Variants in LRRC37A2 observed in about 807,000 individuals in gnomAD.
LRRC37A2 encodes leucine rich repeat containing 37 member A2, also known as leucine-rich repeat-containing protein 37A2.
In LRRC37A2, 9 loss-of-function variants were observed where a neutral mutation model predicts 68.8. The observed-to-expected ratio is 0.13, with a 90% CI of 0.08 to 0.23. LRRC37A2 has a LOEUF of 0.23. Among genes scored for constraint, LRRC37A2 ranks in the 10% least tolerant of loss-of-function variants. The probability of loss-of-function intolerance (pLI) is 1.00; values close to 1 mark genes in which losing one functional copy is unlikely to be tolerated. For missense variants in LRRC37A2, 168 were observed against 950.4 expected (o/e 0.18, Z 10.82); for synonymous variants, 63 against 367.6 (o/e 0.17, Z 9.48).
the LRRC37A2 span, among the ~76,000 whole-genome samples, chr17:46,778,329 T>A: frequency 6.6e-6 from 1 of 152,158 alleles, no homozygotes; most frequent in Non-Finnish European, 1.5e-5. Context: ...TCAAGGTCAC[T>A]CAAAGAGTGC....
At chr17:46,818,447 A>C in the LRRC37A2 span, 1 of 1,498,042 alleles carries the variant, frequency 6.7e-7, no homozygotes, top group Non-Finnish European at 9.1e-7. Flanking sequence ...GCCCACCCCC[A>C]GCCGGCGCCC....
chr17:46,764,528 TCTGACG>T, the LRRC37A2 span: 1 of 152,282 alleles, frequency 6.6e-6, no homozygotes, highest in African/African-American at 2.4e-5. Flanking sequence ...TTCCTTGCTG[TCTGACG>T]CTGAGGGCTG....
the LRRC37A2 span, among the ~76,000 whole-genome samples, chr17:46,771,885 C>G: frequency 6.9e-6 from 1 of 144,888 alleles, no homozygotes; most frequent in Non-Finnish European, 1.5e-5. Context: ...GGCGCCCGCC[C>G]CCGCCCCTGC....
chr17:46,846,760 C>T, the LRRC37A2 span, among the ~76,000 whole-genome samples: 1 of 152,176 alleles, frequency 6.6e-6, no homozygotes, highest in South Asian at 2.1e-4. Flanking sequence ...CCTCACAACA[C>T]AATTCAAAGA....
At chr17:46,908,893 T>C in the LRRC37A2 span, among the ~76,000 whole-genome samples, 1 of 152,146 alleles carries the variant, frequency 6.6e-6, no homozygotes, top group African/African-American at 2.4e-5. Flanking sequence ...AGCTATTCAG[T>C]CTGGAAAACT....
the LRRC37A2 span, among the ~76,000 whole-genome samples, chr17:46,497,713 T>C: frequency 6.9e-6 from 1 of 145,316 alleles, no homozygotes; most frequent in South Asian, 2.1e-4. Context: ...TGTAGATGTA[T>C]ATCTACATAC....
chr17:46,972,447 G>T, the LRRC37A2 span, among the ~76,000 whole-genome samples: 14 of 152,248 alleles, frequency 9.2e-5, no homozygotes, highest in African/African-American at 3.1e-4. Context: ...GCAAAGGGTT[G>T]CACACTGGGC....
At chr17:46,758,379 T>C in the LRRC37A2 span, among the ~76,000 whole-genome samples, 1 of 152,300 alleles carries the variant, frequency 6.6e-6, no homozygotes, top group Non-Finnish European at 1.5e-5. Context: ...AGAAGGTGGG[T>C]TCTTGAAGCT....
chr17:46,962,909 C>T, the LRRC37A2 span, among the ~76,000 whole-genome samples: 1 of 152,218 alleles, frequency 6.6e-6, no homozygotes, highest in Non-Finnish European at 1.5e-5. Context: ...GCTAACTCAT[C>T]ATTTTCATCA....
the LRRC37A2 span, among the ~76,000 whole-genome samples, chr17:46,999,158 A>AG: frequency 1.3e-5 from 2 of 152,232 alleles, no homozygotes; most frequent in African/African-American, 4.8e-5. Context: ...TAGGTACTAT[A>AG]GAGCAGTAGC....
the LRRC37A2 span, among the ~76,000 whole-genome samples, chr17:47,036,566 A>C: frequency 2.6e-5 from 4 of 152,040 alleles, no homozygotes; most frequent in South Asian, 2.1e-4. Flanking sequence ...ATAGATGTTC[A>C]GTTGTTCCAG....
the LRRC37A2 span, among the ~76,000 whole-genome samples, chr17:46,986,165 A>G: frequency 6.6e-6 from 1 of 152,158 alleles, no homozygotes; most frequent in East Asian, 1.9e-4. Flanking sequence ...TTCAGCATTT[A>G]TCAATGGAAT....
the LRRC37A2 span, among the ~76,000 whole-genome samples, chr17:47,030,063 AAATAAT>A: frequency 0.015 from 1,147 of 75,326 alleles, 54 homozygotes; most frequent in South Asian, 0.025. Context: ...ACTCTGTCTC[AAATAAT>A]AATAATAATA....
the LRRC37A2 span, among the ~76,000 whole-genome samples, chr17:47,015,563 T>C: frequency 6.6e-6 from 1 of 152,136 alleles, no homozygotes; most frequent in African/African-American, 2.4e-5. Flanking sequence ...GCTCCTCACG[T>C]GGCAAGCAAT....
At chr17:46,749,070 T>C in the LRRC37A2 span, among the ~76,000 whole-genome samples, 3 of 152,154 alleles carry the variant, frequency 2.0e-5, no homozygotes, top group Non-Finnish European at 2.9e-5. Flanking sequence ...TAAATCATAT[T>C]TAAAGCTGAA....
chr17:46,490,880 T>A, the LRRC37A2 span, among the ~76,000 whole-genome samples: 1 of 150,674 alleles, frequency 6.6e-6, no homozygotes, highest in Admixed American at 6.6e-5. Context: ...ACATACTTTT[T>A]TTTTTTTCTT....
At chr17:46,897,896 G>C in the LRRC37A2 span, among the ~76,000 whole-genome samples, 1 of 152,142 alleles carries the variant, frequency 6.6e-6, no homozygotes, top group African/African-American at 2.4e-5. Context: ...TTTCCAAAGA[G>C]GAAACAAGAG....
the LRRC37A2 span, among the ~76,000 whole-genome samples, chr17:46,492,208 G>T: frequency 5.3e-5 from 8 of 151,352 alleles, no homozygotes; most frequent in Non-Finnish European, 1.0e-4. Context: ...CAGGTAATCC[G>T]CCGGCCTCGG....
the LRRC37A2 span, among the ~76,000 whole-genome samples, chr17:46,916,163 G>A: frequency 1.3e-4 from 20 of 152,178 alleles, no homozygotes; most frequent in African/African-American, 3.9e-4. Context: ...AAGTGGCCAC[G>A]CCTATCTTCT....
Sources: gnomAD v4.1 joint callset for allele counts (sites outside exome capture counted in the v4.1 genomes callset) on GRCh38, gnomAD v4.1.1 for gene constraint, MANE v1.5 for transcripts, NCBI Gene and HGNC (gene_info 2026-07-23, HGNC 2026-07-21) for gene names.